HMCN1: variants seen among roughly 807,000 people sequenced by gnomAD.
The protein encoded by HMCN1 is hemicentin-1.
Under a neutral mutation model 625.9 loss-of-function variants are expected in HMCN1, and 321 were observed. The ratio of observed to expected loss-of-function variants is 0.51; its 90% CI spans 0.47 to 0.56. The LOEUF is 0.56. Ranked by LOEUF, HMCN1 falls within the 20% of genes least tolerant of loss-of-function variation. HMCN1 has a pLI of 0.00. For synonymous variants in HMCN1, 2,425 were observed against 2,417.6 expected (o/e 1.00, Z -0.09); for missense variants, 6,588 against 6,887.3 (o/e 0.96, Z 1.54).
chr1:185,948,079 T>C (rs1459319079), intron 11 of HMCN1, among the ~76,000 whole-genome samples: 1 of 152,208 alleles, frequency 6.6e-6, no homozygotes, highest in Non-Finnish European at 1.5e-5. Context: ...TGATAGTCAT[T>C]ATGTAACTTT....
rs760005320 is a variant in HMCN1 at position 186,114,956 on chromosome 1, C to T, written c.11404+10C>T. 6.2e-6 allele frequency: 10 copies of T among 1,613,936 alleles called. No homozygotes were observed. Among genetic ancestry groups the T allele is most frequent in the African/African-American group, 5.3e-5 (4 of 74,900 alleles). ...GATTTACAGGTCCATGGTAAATATCCGTTTATAGACAACATCCGGTCTCTG... is the reference window on the plus strand; with the variant it reads ...GATTTACAGGTCCATGGTAAATATCTGTTTATAGACAACATCCGGTCTCTG... On this transcript the variant is annotated intron_variant, in intron 74 of 106. Coordinates refer to ENST00000271588, the MANE Select transcript of HMCN1 (RefSeq NM_031935.3).
At chr1:185,917,900 A>G (rs1666802328) in intron 6 of HMCN1, among the ~76,000 whole-genome samples, 1 of 152,084 alleles carries the variant, frequency 6.6e-6, no homozygotes, top group Non-Finnish European at 1.5e-5. Context: ...CTGCTCCTTC[A>G]TTCTTGGCAG....
rs372852628 is a variant in HMCN1 at position 186,073,777 on chromosome 1, G to T, written c.8140-964G>T. Among the ~76,000 whole-genome samples, 63 of 151,596 alleles carry T rather than the reference G, an allele frequency of 4.2e-4. No individual in the cohort carries two copies. In the East Asian group the frequency reaches 7.0e-3, roughly 17 times the overall value. On this transcript the variant is annotated intron_variant, in intron 52 of 106. Transcript: ENST00000271588. ...TATTGCAAGGTCAATGGATTGTGGG[G>T]CTCCCATGGGATGAAAAAAAAAAAA...
intron 15 of HMCN1, among the ~76,000 whole-genome samples, chr1:185,975,505 C>T (rs1651140702): frequency 6.6e-6 from 1 of 152,062 alleles, no homozygotes; most frequent in Non-Finnish European, 1.5e-5. Flanking sequence ...GGGCAATCTG[C>T]CCCTATGATC....
intron 30 of HMCN1, among the ~76,000 whole-genome samples, chr1:186,008,137 C>T (rs1237408033): frequency 6.6e-6 from 1 of 152,044 alleles, no homozygotes; most frequent in Non-Finnish European, 1.5e-5. Context: ...ATTTCTTTCC[C>T]AGGAATTTAA....
intron 57 of HMCN1, 115 bp downstream of exon 57, chr1:186,083,076 C>T: frequency 2.2e-6 from 1 of 465,000 alleles, no homozygotes; most frequent in East Asian, 3.5e-5. Flanking sequence ...TGTGAGGAGC[C>T]TATACTCATT....
chr1:185,843,972 T>C lies in HMCN1; in HGVS notation c.269-2054T>C, dbSNP rs144142585. 5.0e-3 allele frequency among the ~76,000 whole-genome samples: 769 copies of C among 152,336 alleles called. 9 individuals carry two copies. The highest frequency in any genetic ancestry group is 0.018 in the African/African-American group (739 of 41,578). On this transcript the variant is annotated intron_variant, in intron 1 of 106. Coordinates refer to ENST00000271588, the MANE Select transcript of HMCN1 (RefSeq NM_031935.3). ...AGATATTTTTTATTACTATAGGGAA[T>C]GTCCTTGCATGTTTACACTCTTTAT...
chr1:185,876,080 G>A (rs140864518), intron 4 of HMCN1, among the ~76,000 whole-genome samples: 43 of 152,018 alleles, frequency 2.8e-4, no homozygotes, highest in African/African-American at 9.2e-4. Context: ...CCCACATTTT[G>A]TAGTCCTCAG....
At chr1:186,135,554 C>G (rs1299292091) in intron 86 of HMCN1, among the ~76,000 whole-genome samples, 1 of 152,128 alleles carries the variant, frequency 6.6e-6, no homozygotes, top group Non-Finnish European at 1.5e-5. Flanking sequence ...TTAGAGATAC[C>G]TCAAGTTCAG....
intron 58 of HMCN1, among the ~76,000 whole-genome samples, chr1:186,086,862 AGATAGATT>A (rs1659528634): frequency 1.4e-5 from 2 of 145,654 alleles, no homozygotes; most frequent in African/African-American, 4.9e-5. Context: ...ATAGATAGAT[AGATAGATT>A]AGACACCTCG....
intron 92 of HMCN1, 25 bp from the exon 93 acceptor site, chr1:186,145,728 G>A (rs1650277456): frequency 6.2e-7 from 1 of 1,614,118 alleles, no homozygotes; most frequent in Non-Finnish European, 8.5e-7. Context: ...TTTCTTAACA[G>A]TGACCATTCC....
At chr1:185,995,160 T>G (rs574579605) in intron 24 of HMCN1, 73 bp downstream of exon 24, 1 of 1,343,316 alleles carries the variant, frequency 7.4e-7, no homozygotes, top group African/African-American at 1.4e-5. Context: ...CTAAATAGAT[T>G]ATCTTCGATA....
chr1:185,933,909 A>C, intron 11 of HMCN1, 85 bp downstream of exon 11: 1 of 1,131,972 alleles, frequency 8.8e-7, no homozygotes, highest in East Asian at 2.3e-5. Flanking sequence ...TGGCTATCTG[A>C]GAGTGAGAGT....
chr1:185,750,273 C>A (rs1557940370), intron 1 of HMCN1, among the ~76,000 whole-genome samples: 2 of 152,162 alleles, frequency 1.3e-5, no homozygotes, highest in East Asian at 3.9e-4. Flanking sequence ...TTTTTGTATT[C>A]TTTTTGTACT....
At chr1:186,090,003 A>G (rs888546559) in intron 63 of HMCN1, among the ~76,000 whole-genome samples, 2 of 151,930 alleles carry the variant, frequency 1.3e-5, no homozygotes, top group African/African-American at 2.4e-5. Context: ...TCTAATATAT[A>G]CAAGATTTCA....
intron 2 of HMCN1, among the ~76,000 whole-genome samples, chr1:185,863,016 T>C (rs1462351262): frequency 6.6e-6 from 1 of 152,210 alleles, no homozygotes; most frequent in Non-Finnish European, 1.5e-5. Flanking sequence ...TTCTAATACT[T>C]GGTTCTTATG....
chr1:185,749,986 G>A (rs1654685580), intron 1 of HMCN1, among the ~76,000 whole-genome samples: 2 of 152,036 alleles, frequency 1.3e-5, no homozygotes, highest in South Asian at 2.1e-4. Context: ...CACCTCCTCC[G>A]AAAAGCCTTC....
At chr1:186,085,505 C>T (rs970014982) in intron 57 of HMCN1, among the ~76,000 whole-genome samples, 7 of 152,080 alleles carry the variant, frequency 4.6e-5, no homozygotes, top group African/African-American at 1.7e-4. Context: ...TAATTGCTTC[C>T]TTAAAGGCCT....
intron 96 of HMCN1, 22 bp downstream of exon 96, chr1:186,152,893 T>C: frequency 6.2e-7 from 1 of 1,613,164 alleles, no homozygotes; most frequent in South Asian, 1.1e-5. Flanking sequence ...GGATAACTTG[T>C]CTTTGCTGCT....
Sources: allele counts gnomAD v4.1 joint callset (sites outside exome capture counted in the v4.1 genomes callset), GRCh38; gene constraint gnomAD v4.1.1; transcripts MANE v1.5; gene names NCBI Gene and HGNC (gene_info 2026-07-23, HGNC 2026-07-21).